The following UNC93A variants were observed in gnomAD, a reference collection of about 807,000 sequenced individuals.
UNC93A encodes the protein N-acetylglucosamine transporter UNC93A.
In UNC93A, 43 loss-of-function variants were observed where a neutral mutation model predicts 47.5. The ratio of observed to expected loss-of-function variants is 0.91; its 90% CI spans 0.71 to 1.17. UNC93A has a LOEUF of 1.17. Ranked by LOEUF, UNC93A falls within the 50% of genes most tolerant of loss-of-function variation. The pLI is 0.00. For synonymous variants in UNC93A, 280 were observed against 258.0 expected, an observed-to-expected ratio of 1.09 and a Z score of -0.82; for missense variants, 605 against 577.6, an observed-to-expected ratio of 1.05 and a Z score of -0.49.
chr6:167,273,063 T>G (rs1783475925), intron 1 of UNC93A, among the ~76,000 whole-genome samples: 1 of 152,204 alleles, frequency 6.6e-6, no homozygotes, highest in Non-Finnish European at 1.5e-5. Context: ...TGGGCCCCTT[T>G]GTGACTGCCC....
intron 7 of UNC93A, among the ~76,000 whole-genome samples, chr6:167,308,481 A>C (rs1442254091): frequency 6.6e-6 from 1 of 150,704 alleles, no homozygotes; most frequent in African/African-American, 2.5e-5. Flanking sequence ...GATGTGGGGG[A>C]GCAGGGGAGG....
In UNC93A at chr6:167,294,702, C is replaced by A. The variant is rs760149743; in HGVS notation, c.269+4C>A. ...TGGGCAACTTCTTCGCCAGCTGGTA[C>A]GCAGCCACCACCCCCTGCCCACCCC... On this transcript the variant is annotated splice_donor_region_variant and intron_variant, in intron 2 of 7. Coordinates refer to ENST00000230256, the MANE Select transcript of UNC93A (RefSeq NM_018974.4). 4 of 1,584,432 alleles carry A rather than the reference C, an allele frequency of 2.5e-6. No individual in the cohort carries two copies. Among genetic ancestry groups the A allele is most frequent in the Admixed American group, 1.7e-5 (1 of 58,966 alleles).
chr6:167,299,316 C>G (rs2115140881), intron 4 of UNC93A, among the ~76,000 whole-genome samples: 1 of 151,994 alleles, frequency 6.6e-6, no homozygotes, highest in Non-Finnish European at 1.5e-5. Context: ...CTGGGGGTAC[C>G]AACTCCTGCA....
intron 1 of UNC93A, among the ~76,000 whole-genome samples, chr6:167,277,785 G>A (rs1783568797): frequency 6.6e-6 from 1 of 151,236 alleles, no homozygotes; most frequent in African/African-American, 2.4e-5. Flanking sequence ...GTATCTTTCT[G>A]TCTCTCTCTG....
intron 1 of UNC93A, among the ~76,000 whole-genome samples, chr6:167,281,643 C>T (rs1783635951): frequency 6.6e-6 from 1 of 152,130 alleles, no homozygotes; most frequent in African/African-American, 2.4e-5. Context: ...GAGATTCAGG[C>T]TCCATGACTA....
chr6:167,305,337 AG>A (rs778737396), intron 5 of UNC93A, among the ~76,000 whole-genome samples: 14 of 152,200 alleles, frequency 9.2e-5, no homozygotes, highest in Non-Finnish European at 1.6e-4. Flanking sequence ...TTTTGGGGAC[AG>A]CCCCTCCTGC....
At chr6:167,280,599 C>G (rs542763257) in intron 1 of UNC93A, among the ~76,000 whole-genome samples, 30 of 152,046 alleles carry the variant, frequency 2.0e-4, no homozygotes, top group Non-Finnish European at 3.8e-4. Flanking sequence ...ACAGAGAGCC[C>G]CGAGGCCGCT....
At chr6:167,271,082 G>A (rs548250825), upstream of UNC93A, 1 of 152,450 alleles carries the variant, frequency 6.6e-6, no homozygotes, top group Non-Finnish European at 1.5e-5. Context: ...CGGCACCTGG[G>A]AGTCATTAGG....
At chr6:167,276,715 TCAC>T (rs1333677226) in intron 1 of UNC93A, among the ~76,000 whole-genome samples, 7 of 152,314 alleles carry the variant, frequency 4.6e-5, no homozygotes, top group South Asian at 2.1e-4. Flanking sequence ...TGGGAAATTT[TCAC>T]AGGACACTAC....
intron 3 of UNC93A, among the ~76,000 whole-genome samples, chr6:167,296,875 G>A (rs1483778297): frequency 6.6e-6 from 1 of 152,040 alleles, no homozygotes; most frequent in Admixed American, 6.6e-5. Context: ...TTCCCAACGG[G>A]GTAAAAACCA....
chr6:167,300,860 TCTC>T (rs1778222866), intron 4 of UNC93A, among the ~76,000 whole-genome samples: 1 of 152,110 alleles, frequency 6.6e-6, no homozygotes. Context: ...AACAAAGACT[TCTC>T]CTATCTATAA....
At chr6:167,304,169 T>C (rs1486727644) in intron 5 of UNC93A, 36 bp downstream of exon 5, 2 of 1,610,024 alleles carry the variant, frequency 1.2e-6, no homozygotes, top group South Asian at 1.1e-5. Flanking sequence ...GCTCAGGCCA[T>C]GCGTGGCATC....
In UNC93A at chr6:167,306,044, G is replaced by C. The variant is rs549296907; in HGVS notation, c.970G>C (p.Val324Leu). The change falls in exon 6 of 8, where the codon GTG becomes CTG. Residue 324 changes from valine to leucine, a missense_variant. Val to Leu is a conservative substitution (Grantham distance 32). Transcript: ENST00000230256. ...GTACACGGGCAGGGCTGTGCTGTAC[G>C]TGCTGGGTAGGTATCAGCGTGGGTC... Reference protein sequence around the residue: ...SQYTGRAVLYVLGAVTHVSCM... With the variant: ...SQYTGRAVLYLLGAVTHVSCM... 3 of 1,614,152 alleles carry C rather than the reference G, an allele frequency of 1.9e-6. No homozygotes were observed. Among genetic ancestry groups the C allele is most frequent in the Middle Eastern group, 3.3e-4 (2 of 6,062 alleles).
chr6:167,285,409 C>T (rs2115093845), intron 1 of UNC93A, among the ~76,000 whole-genome samples: 1 of 151,966 alleles, frequency 6.6e-6, no homozygotes, highest in South Asian at 2.1e-4. Flanking sequence ...ATAAACAGGT[C>T]AGGACAAAAG....
At chr6:167,309,989 C>T (rs1239661690) in intron 7 of UNC93A, among the ~76,000 whole-genome samples, 4 of 152,190 alleles carry the variant, frequency 2.6e-5, no homozygotes, top group African/African-American at 9.7e-5. Context: ...AGAACAAATA[C>T]TGATTTAATG....
Position 167,305,995 on chromosome 6 carries a change from C to A in UNC93A, c.921C>A (p.Ser307=). The A allele has an allele frequency of 4.3e-6, 7 of 1,614,166 alleles. No homozygotes were observed. The highest frequency in any genetic ancestry group is 5.1e-6 in the Non-Finnish European group (6 of 1,180,036). Residue 307 remains serine (S), a synonymous_variant, in exon 6 of 8, where the codon TCC becomes TCA. Coordinates refer to ENST00000230256, the MANE Select transcript of UNC93A (RefSeq NM_018974.4). ...TCTCGGCCACTGACGCGCTGTGCTC[C>A]GTGTTGTATGGAAAGGTCTCGCAGT... is the stretch of plus-strand genomic sequence containing the variant. The part of the protein sequence containing the change: ...ICFSATDALC[S]VLYGKVSQYT...
intron 7 of UNC93A, among the ~76,000 whole-genome samples, chr6:167,312,711 A>G (rs1778594068): frequency 6.6e-6 from 1 of 152,226 alleles, no homozygotes; most frequent in African/African-American, 2.4e-5. Flanking sequence ...TCATTTCAGA[A>G]TTGTTGAAAT....
chr6:167,294,773 T>C, intron 2 of UNC93A, 75 bp downstream of exon 2: 3 of 1,461,298 alleles, frequency 2.1e-6, no homozygotes, highest in Non-Finnish European at 2.8e-6. Flanking sequence ...TGCACATGAG[T>C]TGCATTTGCA....
At chr6:167,287,386 C>A (rs115123494), upstream of UNC93A, among the ~76,000 whole-genome samples, 1,729 of 152,244 alleles carry the variant, frequency 0.011, 31 homozygotes, top group African/African-American at 0.039. Flanking sequence ...ACCCCATACT[C>A]CCTATCGTCC....
Sources: allele counts gnomAD v4.1 joint callset (sites outside exome capture counted in the v4.1 genomes callset), GRCh38; gene constraint gnomAD v4.1.1; transcripts MANE v1.5; gene names NCBI Gene and HGNC (gene_info 2026-07-23, HGNC 2026-07-21).